TRDMT1: variants seen among roughly 807,000 people sequenced by gnomAD.
The protein encoded by TRDMT1 is tRNA (cytosine(38)-C(5))-methyltransferase.
TRDMT1 carries 49 observed loss-of-function variants against 51.2 expected under a neutral mutation model. The ratio of observed to expected loss-of-function variants is 0.96; its 90% CI spans 0.76 to 1.21. TRDMT1 has a LOEUF of 1.21. TRDMT1 is among the 50% of genes most tolerant of loss of function. TRDMT1 has a pLI of 0.00. For missense variants in TRDMT1, 534 were observed against 462.3 expected (o/e 1.16, Z -1.42); for synonymous variants, 187 against 164.6 (o/e 1.14, Z -1.04).
At chr10:17,201,001 C>G (rs1005226974) in intron 1 of TRDMT1, among the ~76,000 whole-genome samples, 3 of 152,242 alleles carry the variant, frequency 2.0e-5, no homozygotes, top group Admixed American at 1.3e-4. Flanking sequence ...TCTCTGGCAT[C>G]TAAACGCAGA....
At chr10:17,170,138 A>G (rs779896719) in intron 2 of TRDMT1, among the ~76,000 whole-genome samples, 2 of 152,250 alleles carry the variant, frequency 1.3e-5, no homozygotes, top group Non-Finnish European at 2.9e-5. Flanking sequence ...GGAAGTAAAC[A>G]GAGTCAATGT....
chr10:17,191,010 A>G (rs1005200756), intron 1 of TRDMT1, among the ~76,000 whole-genome samples: 2 of 152,226 alleles, frequency 1.3e-5, no homozygotes, highest in African/African-American at 4.8e-5. Flanking sequence ...AGCAACCTGG[A>G]AGAGATGAGG....
chr10:17,143,820 T>C lies in TRDMT1; in HGVS notation c.*5220A>G. 1.0e-6 allele frequency: 1 copy of C among 985,420 alleles called. No individual in the cohort carries two copies. Among genetic ancestry groups the C allele is most frequent in the Non-Finnish European group, 1.2e-6 (1 of 829,940 alleles). The allele number at this position is 985,420 out of a possible 1,614,324, so 61.0% of individuals were successfully genotyped here. ...TGATCTTTGGTTATGAAGCTTGAAC[T>C]TGGAAGATGTGGAGACTAACCGTAC... On this transcript the variant is annotated 3_prime_UTR_variant, in exon 11 of 11. Coordinates refer to ENST00000377799, the MANE Select transcript of TRDMT1 (RefSeq NM_004412.7).
At chr10:17,186,389 G>A (rs1843933093) in intron 1 of TRDMT1, among the ~76,000 whole-genome samples, 1 of 152,080 alleles carries the variant, frequency 6.6e-6, no homozygotes, top group South Asian at 2.1e-4. Context: ...GACTGAGGAA[G>A]GTTAAAATCA....
At chr10:17,166,307 G>A (rs1413438063) in intron 3 of TRDMT1, among the ~76,000 whole-genome samples, 2 of 147,356 alleles carry the variant, frequency 1.4e-5, no homozygotes. Context: ...ACTCATAGGT[G>A]GGAATTGAAC....
Position 17,144,005 on chromosome 10 carries a change from A to G in TRDMT1, c.*5035T>C. The G allele has an allele frequency of 1.0e-6, 1 of 985,452 alleles. No homozygotes were observed. Among genetic ancestry groups the G allele is most frequent in the Non-Finnish European group, 1.2e-6 (1 of 829,942 alleles). The allele number at this position is 985,452 out of a possible 1,614,324, so 61.0% of individuals were successfully genotyped here. On this transcript the variant is annotated 3_prime_UTR_variant, in exon 11 of 11. Coordinates refer to ENST00000377799, the MANE Select transcript of TRDMT1 (RefSeq NM_004412.7). ...ATTCTAGAATAGGACTTAGGAAAACAGCAGATTTAGAGTCATCTGGGTGTC... is the reference window on the plus strand; with the variant it reads ...ATTCTAGAATAGGACTTAGGAAAACGGCAGATTTAGAGTCATCTGGGTGTC...
At chr10:17,197,580 G>A (rs1480375578) in intron 1 of TRDMT1, among the ~76,000 whole-genome samples, 1 of 152,038 alleles carries the variant, frequency 6.6e-6, no homozygotes, top group Non-Finnish European at 1.5e-5. Context: ...CAGTAATGTG[G>A]GGAAAAATAT....
chr10:17,201,407 C>G (rs1885395), intron 1 of TRDMT1, 164 bp downstream of exon 1: 517,701 of 632,086 alleles, frequency 0.82, 213,383 homozygotes, highest in Middle Eastern at 0.87. Context: ...GGGGTGGACA[C>G]GGCGGCGCGC....
At chr10:17,201,473 C>T (rs1357246407) in intron 1 of TRDMT1, 98 bp downstream of exon 1, 6 of 1,319,864 alleles carry the variant, frequency 4.5e-6, no homozygotes, top group South Asian at 1.3e-5. Flanking sequence ...CCCACAGTGT[C>T]CGCCCCTTGC....
chr10:17,170,417 C>T (rs770998373), intron 2 of TRDMT1, among the ~76,000 whole-genome samples: 1 of 152,136 alleles, frequency 6.6e-6, no homozygotes, highest in Non-Finnish European at 1.5e-5. Flanking sequence ...TATGACTATA[C>T]AAGTTAAGGA....
At position 17,145,076 on chromosome 10, in the gene TRDMT1, C is replaced by T. The variant is rs148700807; in HGVS notation, c.*3964G>A. On this transcript the variant is annotated 3_prime_UTR_variant, in exon 11 of 11. Transcript: ENST00000377799. ...ACCAGCCTGGCCAACATGGTGAAACCCGATCTCTACTAATACAAAAATTAG... is the reference window on the plus strand; with the variant it reads ...ACCAGCCTGGCCAACATGGTGAAACTCGATCTCTACTAATACAAAAATTAG... 2.9e-3 allele frequency: 1,986 copies of T among 686,378 alleles called. 41 individuals carry two copies. In the African/African-American group the frequency reaches 0.034, roughly 12 times the overall value. The allele number at this position is 686,378 out of a possible 1,614,324, so 42.5% of individuals were successfully genotyped here.
intron 5 of TRDMT1, among the ~76,000 whole-genome samples, chr10:17,160,861 T>A (rs1363863510): frequency 2.0e-5 from 3 of 152,188 alleles, no homozygotes; most frequent in East Asian, 3.8e-4. Context: ...ACCTCAGAAA[T>A]AATATTGAAT....
chr10:17,145,013 C>G lies in TRDMT1; in HGVS notation c.*4027G>C, dbSNP rs1837979175. ...CTGTAAAACCCAGCACTTAGGGAAG[C>G]CAAGGTGGGTGGATTAACTTGAGGT... On this transcript the variant is annotated 3_prime_UTR_variant, in exon 11 of 11. Transcript: ENST00000377799. The G allele has an allele frequency of 2.0e-6, 2 of 977,582 alleles. No individual in the cohort carries two copies. The highest frequency in any genetic ancestry group is 2.4e-6 in the Non-Finnish European group (2 of 823,000). The allele number at this position is 977,582 out of a possible 1,614,324, so 60.6% of individuals were successfully genotyped here. A position where few individuals can be genotyped will look rare whatever the true frequency, so the allele number is the denominator to read the frequency against.
In TRDMT1 at chr10:17,169,890, T is replaced by C. The variant is rs185455674; in HGVS notation, c.175-973A>G. 2.0e-5 allele frequency among the ~76,000 whole-genome samples: 3 copies of C among 152,294 alleles called. No individual in the cohort carries two copies. The East Asian group carries it at 5.8e-4, about 29-fold the overall frequency. On this transcript the variant is annotated intron_variant, in intron 2 of 10. Transcript: ENST00000377799. Reference sequence around the variant, plus strand: ...AGATATTGAAAATTTCCTAAAGCACTTCTCGACTCCCCAGTGTTAAGGAAA... The same window carrying C: ...AGATATTGAAAATTTCCTAAAGCACCTCTCGACTCCCCAGTGTTAAGGAAA...
Position 17,142,684 on chromosome 10 carries a change from T to C in TRDMT1, c.*6356A>G, listed in dbSNP as rs1191510143. 2 of 152,320 alleles carry C rather than the reference T, an allele frequency of 1.3e-5. No homozygotes were observed. Among genetic ancestry groups the C allele is most frequent in the African/African-American group, 4.8e-5 (2 of 41,440 alleles). 9.4% of individuals were successfully genotyped at this position (152,320 alleles called of 1,614,324 possible). ...TTACCGACCAGACTTCAGTTCCCTC[T>C]TCTGTAGGAACGAGCCTCTCTGGGC... On this transcript the variant is annotated 3_prime_UTR_variant, in exon 11 of 11. Coordinates refer to ENST00000377799, the MANE Select transcript of TRDMT1 (RefSeq NM_004412.7).
chr10:17,147,932 G>T lies in TRDMT1; in HGVS notation c.*1108C>A. 1.1e-6 allele frequency: 1 copy of T among 941,026 alleles called. No homozygotes were observed. Among genetic ancestry groups the T allele is most frequent in the Non-Finnish European group, 1.3e-6 (1 of 789,518 alleles). The allele number at this position is 941,026 out of a possible 1,614,324, so 58.3% of individuals were successfully genotyped here. A position where few individuals can be genotyped will look rare whatever the true frequency, so the allele number is the denominator to read the frequency against. ...GCTGAACCATTTTACGTTCCCACAA[G>T]CAATGCACAAACTTCCAATTTATCC... On this transcript the variant is annotated 3_prime_UTR_variant, in exon 11 of 11. Transcript: ENST00000377799.
intron 1 of TRDMT1, among the ~76,000 whole-genome samples, chr10:17,181,215 T>C (rs1369557810): frequency 2.0e-5 from 3 of 151,788 alleles, no homozygotes; most frequent in African/African-American, 4.8e-5. Flanking sequence ...AGGAAGAGAG[T>C]GGTAGTTCCC....
chr10:17,159,219 G>A lies in TRDMT1; in HGVS notation c.470C>T (p.Pro157Leu), dbSNP rs1402461147. The A allele has an allele frequency of 6.2e-7, 1 of 1,601,360 alleles. No individual in the cohort carries two copies. The highest frequency in any genetic ancestry group is 2.3e-5 in the East Asian group (1 of 44,276). ...FLLSPTSLGI[P>L]NSRLRYFLIA... ...AAGAAAATATCGTAGCCTTGAATTTGGAATGCCAAGCTGTAAGCAAAGCAA... is the reference window on the plus strand; with the variant it reads ...AAGAAAATATCGTAGCCTTGAATTTAGAATGCCAAGCTGTAAGCAAAGCAA... Residue 157 changes from proline (P) to leucine (L), a missense_variant, in exon 7 of 11, where the codon CCA becomes CTA. Transcript: ENST00000377799.
At position 17,161,579 on chromosome 10, in the gene TRDMT1, A is replaced by G. The variant is rs774130765; in HGVS notation, c.324-31T>C. Reference sequence around the variant, plus strand: ...AAAAAATAAACAAATGGAATTCTAAATATCTCATTACTAAGAAGAAAAAGT... The same window carrying G: ...AAAAAATAAACAAATGGAATTCTAAGTATCTCATTACTAAGAAGAAAAAGT... On this transcript the variant is annotated intron_variant, in intron 4 of 10. Transcript: ENST00000377799. 3.6e-6 allele frequency: 4 copies of G among 1,107,568 alleles called. No individual in the cohort carries two copies. In the Admixed American group the frequency reaches 1.3e-4, roughly 35 times the overall value. 68.6% of individuals were successfully genotyped at this position (1,107,568 alleles called of 1,614,324 possible).
Sources: gnomAD v4.1 joint callset for allele counts (sites outside exome capture counted in the v4.1 genomes callset) on GRCh38, gnomAD v4.1.1 for gene constraint, MANE v1.5 for transcripts, NCBI Gene and HGNC (gene_info 2026-07-23, HGNC 2026-07-21) for gene names.